MACROD2: variants seen among roughly 807,000 people sequenced by gnomAD.
The protein encoded by MACROD2 is mono-ADP ribosylhydrolase 2.
Under a neutral mutation model 70.4 loss-of-function variants are expected in MACROD2, and 36 were observed. That is an observed-to-expected ratio of 0.51 (90% CI 0.39 to 0.68). The LOEUF is 0.68. MACROD2 is among the 30% of genes least tolerant of loss of function. MACROD2 has a pLI of 0.00. For synonymous variants in MACROD2, 172 were observed against 178.8 expected (o/e 0.96, Z 0.30); for missense variants, 496 against 538.4 (o/e 0.92, Z 0.78).
intron 15 of MACROD2, among the ~76,000 whole-genome samples, chr20:15,988,555 G>T (rs576057400): frequency 1.3e-5 from 2 of 152,170 alleles, no homozygotes; most frequent in African/African-American, 4.8e-5. Flanking sequence ...TTCTCCCAGA[G>T]CCTTCCCAAG....
intron 6 of MACROD2, among the ~76,000 whole-genome samples, chr20:15,274,112 G>A (rs1283424806): frequency 6.6e-6 from 1 of 152,134 alleles, no homozygotes; most frequent in Admixed American, 6.5e-5. Flanking sequence ...AGAAGACATG[G>A]GGAAAGGTGT....
chr20:15,208,222 G>GT (rs1363198268), intron 5 of MACROD2, among the ~76,000 whole-genome samples: 1 of 152,062 alleles, frequency 6.6e-6, no homozygotes, highest in Non-Finnish European at 1.5e-5. Flanking sequence ...CAGCCACTGA[G>GT]TTTTTTATTT....
rs200016651 is a variant in MACROD2, at chr20:14,497,545, GT to G, written c.301+4042del. 5.2e-3 allele frequency among the ~76,000 whole-genome samples: 784 copies of G among 151,690 alleles called. 44 individuals carry two copies. The highest frequency in any genetic ancestry group is 0.018 in the African/African-American group (751 of 41,072). ...TCTCTTACTTTAGATAATATCTTTT[GT>G]TTTTCATTGACGTAATAGTTAACAC... On this transcript the variant is annotated intron_variant, in intron 4 of 17. Coordinates refer to ENST00000684519, the MANE Select transcript of MACROD2 (RefSeq NM_001351661.2).
intron 4 of MACROD2, among the ~76,000 whole-genome samples, chr20:14,513,212 C>T (rs1393948479): frequency 6.6e-6 from 1 of 152,044 alleles, no homozygotes; most frequent in Non-Finnish European, 1.5e-5. Context: ...AGGATATTCC[C>T]TTTTTTCTGT....
intron 15 of MACROD2, among the ~76,000 whole-genome samples, chr20:15,990,271 AT>A (rs1259687361): frequency 2.0e-5 from 3 of 152,186 alleles, no homozygotes; most frequent in Non-Finnish European, 4.4e-5. Flanking sequence ...GGAAAGTAAT[AT>A]TATAGAAGAT....
At chr20:14,377,409 A>G (rs1600176854) in intron 3 of MACROD2, among the ~76,000 whole-genome samples, 2 of 152,198 alleles carry the variant, frequency 1.3e-5, no homozygotes, top group Non-Finnish European at 1.5e-5. Context: ...GACAATATCC[A>G]TGAAGATTTT....
intron 5 of MACROD2, among the ~76,000 whole-genome samples, chr20:14,732,760 C>A (rs1165060873): frequency 6.6e-6 from 1 of 152,034 alleles, no homozygotes; most frequent in Non-Finnish European, 1.5e-5. Context: ...TGCCTTCTGG[C>A]TCATTCACTT....
intron 5 of MACROD2, among the ~76,000 whole-genome samples, chr20:15,014,809 A>G (rs1275849507): frequency 6.6e-6 from 1 of 152,170 alleles, no homozygotes; most frequent in Non-Finnish European, 1.5e-5. Context: ...TTGCCAACCC[A>G]AAAGCCTAAT....
At chr20:15,785,021 G>A (rs1165619237) in intron 8 of MACROD2, among the ~76,000 whole-genome samples, 1 of 151,654 alleles carries the variant, frequency 6.6e-6, no homozygotes, top group Admixed American at 6.6e-5. Context: ...GCATGGTGGC[G>A]GGCGCCTGTA....
rs143093501 is a variant in MACROD2, at chr20:15,833,093, AC to A, written c.646-29651del. Among the ~76,000 whole-genome samples, 1,331 of 152,354 alleles carry A rather than the reference AC, an allele frequency of 8.7e-3. 22 individuals are homozygous for A. Among genetic ancestry groups the A allele is most frequent in the African/African-American group, 0.031 (1,272 of 41,578 alleles). ...TTGCACAGCCCCTTGGGAGCCATTAACATGGCATTCTACAGTAATCCAAAAT... is the reference window on the plus strand; with the variant it reads ...TTGCACAGCCCCTTGGGAGCCATTAAATGGCATTCTACAGTAATCCAAAAT... On this transcript the variant is annotated intron_variant, in intron 8 of 17. Coordinates refer to ENST00000684519, the MANE Select transcript of MACROD2 (RefSeq NM_001351661.2).
chr20:15,368,654 G>T (rs2045446897), intron 6 of MACROD2, among the ~76,000 whole-genome samples: 1 of 151,872 alleles, frequency 6.6e-6, no homozygotes, highest in South Asian at 2.1e-4. Context: ...GTAGAGACAG[G>T]GTTTCCCCAT....
rs896017819 is a variant in MACROD2, at chr20:14,914,515, C to G, written c.418+229556C>G. 3.3e-5 allele frequency among the ~76,000 whole-genome samples: 5 copies of G among 152,122 alleles called. No individual in the cohort carries two copies. The South Asian group carries it at 1.0e-3, about 32-fold the overall frequency. On this transcript the variant is annotated intron_variant, in intron 5 of 17. Coordinates refer to ENST00000684519, the MANE Select transcript of MACROD2 (RefSeq NM_001351661.2). ...GGCTAAGGGAAATAAAGCATTGTCC[C>G]AAGAAGGAAGACTTTGCCTTGACAA...
At chr20:15,487,017 T>A (rs2047171465) in intron 7 of MACROD2, among the ~76,000 whole-genome samples, 1 of 152,176 alleles carries the variant, frequency 6.6e-6, no homozygotes, top group Non-Finnish European at 1.5e-5. Flanking sequence ...TTTTCCTTCT[T>A]TTTCATTTCA....
rs1212716469 is a variant in MACROD2 at position 15,636,075 on chromosome 20, AG to A, written c.645+136229del. 3.0e-3 allele frequency among the ~76,000 whole-genome samples: 393 copies of A among 131,434 alleles called. 12 individuals carry two copies. Among genetic ancestry groups the A allele is most frequent in the African/African-American group, 9.5e-3 (313 of 33,104 alleles). 86.2% of individuals were successfully genotyped at this position (131,434 alleles called of 152,430 possible). On this transcript the variant is annotated intron_variant, in intron 8 of 17. Transcript: ENST00000684519. ...CGACAGAGCGAGGCTCCCTCTCAAA[AG>A]AAAAAAAAAAAAAAAAGAAAGAAAA...
intron 5 of MACROD2, among the ~76,000 whole-genome samples, chr20:15,066,976 T>G (rs2075581642): frequency 6.6e-6 from 1 of 151,554 alleles, no homozygotes; most frequent in South Asian, 2.1e-4. Context: ...AATCATATAC[T>G]ACAGTCAAAT....
chr20:14,209,077 G>A (rs928647357), intron 3 of MACROD2, among the ~76,000 whole-genome samples: 2 of 152,218 alleles, frequency 1.3e-5, no homozygotes, highest in Non-Finnish European at 2.9e-5. Flanking sequence ...CAAATGTTCT[G>A]TAAATATTTG....
At position 15,758,707 on chromosome 20, in the gene MACROD2, T is replaced by C. The variant is rs145696844; in HGVS notation, c.646-104038T>C. On this transcript the variant is annotated intron_variant, in intron 8 of 17. Coordinates refer to ENST00000684519, the MANE Select transcript of MACROD2 (RefSeq NM_001351661.2). Reference sequence around the variant, plus strand: ...GGCATGCTCCACCACACCCAGCTAGTTTTTTAGTATTTTTTTGTAGGGATG... The same window carrying C: ...GGCATGCTCCACCACACCCAGCTAGCTTTTTAGTATTTTTTTGTAGGGATG... 4.7e-3 allele frequency among the ~76,000 whole-genome samples: 722 copies of C among 152,004 alleles called. 9 individuals are homozygous for C. The highest frequency in any genetic ancestry group is 0.016 in the African/African-American group (671 of 41,516).
At chr20:14,287,960 T>A (rs1353719509) in intron 3 of MACROD2, among the ~76,000 whole-genome samples, 2 of 152,260 alleles carry the variant, frequency 1.3e-5, no homozygotes, top group South Asian at 2.1e-4. Flanking sequence ...TTATATAATG[T>A]AATCATGTAC....
At chr20:15,269,849 G>A (rs1051208321) in intron 6 of MACROD2, among the ~76,000 whole-genome samples, 1 of 152,134 alleles carries the variant, frequency 6.6e-6, no homozygotes, top group African/African-American at 2.4e-5. Context: ...CATCACTAAT[G>A]AGGCTTCCAT....
Sources: gnomAD v4.1 joint callset for allele counts (sites outside exome capture counted in the v4.1 genomes callset) on GRCh38, gnomAD v4.1.1 for gene constraint, MANE v1.5 for transcripts, NCBI Gene and HGNC (gene_info 2026-07-23, HGNC 2026-07-21) for gene names.